IQCH: variants seen among roughly 807,000 people sequenced by gnomAD.
IQCH encodes the protein IQ motif containing H, also known as IQ domain-containing protein H.
IQCH carries 98 observed loss-of-function variants against 117.0 expected under a neutral mutation model. The observed-to-expected ratio is 0.84, with a 90% CI of 0.71 to 0.99. IQCH has a LOEUF of 0.99. Among genes scored for constraint, IQCH ranks in the 50% least tolerant of loss-of-function variants. IQCH has a pLI of 0.00. For synonymous variants in IQCH, 412 were observed against 448.2 expected, an observed-to-expected ratio of 0.92 and a Z score of 1.02; for missense variants, 1,102 against 1,243.8, an observed-to-expected ratio of 0.89 and a Z score of 1.72.
rs1370328750 is a variant in IQCH, at chr15:67,445,177, C to CT, written c.2506-19949dup. On this transcript the variant is annotated intron_variant, in intron 16 of 20. Coordinates refer to ENST00000335894, the MANE Select transcript of IQCH (RefSeq NM_001031715.3). The surrounding 1 kb of genome is among the most constrained non-coding windows in gnomAD (Gnocchi z 4.3). ...GTTGAACATCTGTTACTAGTACAGT[C>CT]TAACACAGCACTTAAAATCCTTTAA... is the stretch of plus-strand genomic sequence containing the variant. Among the ~76,000 whole-genome samples, 1 of 152,072 alleles carries CT rather than the reference C, an allele frequency of 6.6e-6. No homozygotes were observed. Among genetic ancestry groups the CT allele is most frequent in the African/African-American group, 2.4e-5 (1 of 41,384 alleles).
chr15:67,278,793 AT>A (rs1966233372), intron 3 of IQCH, among the ~76,000 whole-genome samples: 1 of 152,204 alleles, frequency 6.6e-6, no homozygotes, highest in Non-Finnish European at 1.5e-5. Flanking sequence ...TATATTGATA[AT>A]CTTAAAGATC....
At chr15:67,350,986 C>T (rs1969634994) in intron 6 of IQCH, among the ~76,000 whole-genome samples, 1 of 152,088 alleles carries the variant, frequency 6.6e-6, no homozygotes, top group Admixed American at 6.6e-5. Context: ...CCAGGGCCCT[C>T]CCTGAAATAC....
intron 10 of IQCH, among the ~76,000 whole-genome samples, chr15:67,377,303 A>G (rs1374464854): frequency 6.6e-6 from 1 of 152,070 alleles, no homozygotes; most frequent in Admixed American, 6.5e-5. Flanking sequence ...GATGATAAAG[A>G]AACATTTTTC....
At chr15:67,261,229 ATG>A in intron 1 of IQCH, 41 bp from the exon 2 acceptor site, 1 of 1,355,608 alleles carries the variant, frequency 7.4e-7, no homozygotes, top group Non-Finnish European at 1.0e-6. Flanking sequence ...TAGGTGGACT[ATG>A]TGTGGATTAT....
Position 67,283,524 on chromosome 15 carries a change from G to A in IQCH, c.387+4012G>A, listed in dbSNP as rs183226120. 3.4e-3 allele frequency among the ~76,000 whole-genome samples: 507 copies of A among 149,924 alleles called. 3 individuals are homozygous for A. Among genetic ancestry groups the A allele is most frequent in the Middle Eastern group, 6.9e-3 (2 of 290 alleles). On this transcript the variant is annotated intron_variant, in intron 4 of 20. Coordinates refer to ENST00000335894, the MANE Select transcript of IQCH (RefSeq NM_001031715.3). Reference sequence around the variant, plus strand: ...ATGTAACATGGTGTGATATTTCTGAGTTTTTTTTTTCTATTGACTATCCGT... The same window carrying A: ...ATGTAACATGGTGTGATATTTCTGAATTTTTTTTTTCTATTGACTATCCGT...
chr15:67,297,644 C>T (rs541236136), intron 4 of IQCH, among the ~76,000 whole-genome samples: 9 of 152,242 alleles, frequency 5.9e-5, no homozygotes, highest in Admixed American at 4.6e-4. Context: ...CCAGTCCATG[C>T]GCAATTTTCC....
Position 67,305,634 on chromosome 15 carries a change from A to G in IQCH, c.387+26122A>G, listed in dbSNP as rs541044643. ...TGTTGTTGGTTTTCCTCTTCCATCT[A>G]GAATTAATATTGGCTTAGCTGGAGG... is the stretch of plus-strand genomic sequence containing the variant. On this transcript the variant is annotated intron_variant, in intron 4 of 20. Transcript: ENST00000335894. Among the ~76,000 whole-genome samples the G allele has an allele frequency of 2.5e-4, 38 of 152,224 alleles. 1 individual carries two copies. The highest frequency in any genetic ancestry group is 6.8e-3 in the Middle Eastern group (2 of 294).
rs772747647 is a variant in IQCH at position 67,395,390 on chromosome 15, G to A, written c.1732G>A (p.Gly578Arg). ...AGGAACAGAGGCCTACATCGTCAGC[G>A]GGCTCCTCCACAGAGATGATTTAGC... ...IRGTEAYIVS[G>R]LLHRDDLAVA... Residue 578 changes from glycine to arginine, a missense_variant, in exon 13 of 21, where the codon GGG becomes AGG. Gly to Arg is a moderately radical substitution (Grantham distance 125). This residue lies in a region of IQCH where 650 missense variants were observed against 794.3 expected (regional missense o/e 0.82). Transcript: ENST00000335894. The surrounding 1 kb of genome is among the most constrained non-coding windows in gnomAD (Gnocchi z 4.0). 12 of 1,613,854 alleles carry A rather than the reference G, an allele frequency of 7.4e-6. No homozygotes were observed. The highest frequency in any genetic ancestry group is 4.4e-5 in the South Asian group (4 of 91,052).
chr15:67,384,164 T>C lies in IQCH; in HGVS notation c.1373-772T>C, dbSNP rs1283828830. On this transcript the variant is annotated intron_variant, in intron 10 of 20. Transcript: ENST00000335894. This position sits in a 1 kb window ranked among gnomAD's most constrained non-coding sequence, Gnocchi z 4.3. ...TTACACCTACAGTTGTTGAATTTCA[T>C]ATAAGCAGTTATACCTGCTTGTGAG... 6.6e-6 allele frequency among the ~76,000 whole-genome samples: 1 copy of C among 152,192 alleles called. No homozygotes were observed.
At chr15:67,464,118 C>A (rs1261601006) in intron 16 of IQCH, among the ~76,000 whole-genome samples, 3 of 152,196 alleles carry the variant, frequency 2.0e-5, no homozygotes, top group African/African-American at 7.2e-5. Flanking sequence ...TATAAGCCAC[C>A]GTGCCCAGCC....
chr15:67,447,176 A>G lies in IQCH; in HGVS notation c.2506-17951A>G, dbSNP rs113874707. On this transcript the variant is annotated intron_variant, in intron 16 of 20. Transcript: ENST00000335894. The surrounding 1 kb of genome is among the most constrained non-coding windows in gnomAD (Gnocchi z 5.3). ...CATAAAATGGGAGTATGAATACCAA[A>G]CCCATAAAGTTGTTCGGAGGATGAT... 3.9e-5 allele frequency among the ~76,000 whole-genome samples: 6 copies of G among 152,172 alleles called. No homozygotes were observed. The highest frequency in any genetic ancestry group is 6.5e-5 in the Admixed American group (1 of 15,276).
At chr15:67,304,537 A>T in intron 4 of IQCH, 1 of 615,598 alleles carries the variant, frequency 1.6e-6, no homozygotes, top group South Asian at 2.7e-5. Flanking sequence ...TGTAATGTAG[A>T]TGTTAAGTAA....
At chr15:67,278,154 T>A (rs368526049) in intron 3 of IQCH, among the ~76,000 whole-genome samples, 2 of 152,190 alleles carry the variant, frequency 1.3e-5, no homozygotes, top group South Asian at 4.1e-4. Flanking sequence ...CAGATAAGGC[T>A]TTGGTTAGAC....
chr15:67,324,609 TAAA>T (rs35173773), intron 4 of IQCH, among the ~76,000 whole-genome samples: 3 of 119,242 alleles, frequency 2.5e-5, no homozygotes, highest in African/African-American at 6.5e-5. Flanking sequence ...AGACTCTGTC[TAAA>T]AAAAAAAAAA....
chr15:67,345,351 C>T (rs1018168368), intron 6 of IQCH, among the ~76,000 whole-genome samples: 2 of 152,132 alleles, frequency 1.3e-5, no homozygotes, highest in Non-Finnish European at 2.9e-5. Flanking sequence ...TCCACCCCTC[C>T]CTTCTCTTTG....
At chr15:67,258,360 G>A (rs376443551) in intron 1 of IQCH, among the ~76,000 whole-genome samples, 37 of 151,678 alleles carry the variant, frequency 2.4e-4, no homozygotes, top group Non-Finnish European at 4.1e-4. Context: ...GTGAAACCCC[G>A]TCTCTACTAA....
rs1971858935 is a variant in IQCH, at chr15:67,405,474, G to A, written c.2097+5169G>A. ...TACTGGGTACCAGGTATTGTGCTAA[G>A]CACGTTACATGAATTGTCTCATTTA... is the stretch of plus-strand genomic sequence containing the variant. On this transcript the variant is annotated intron_variant, in intron 14 of 20. Transcript: ENST00000335894. The surrounding 1 kb of genome is among the most constrained non-coding windows in gnomAD (Gnocchi z 4.8). The A allele has an allele frequency of 6.6e-6, 1 of 152,198 alleles. No homozygotes were observed. Among genetic ancestry groups the A allele is most frequent in the South Asian group, 2.1e-4 (1 of 4,818 alleles). 9.4% of individuals were successfully genotyped at this position (152,198 alleles called of 1,614,324 possible).
chr15:67,310,137 G>A (rs1967513054), intron 4 of IQCH, among the ~76,000 whole-genome samples: 1 of 151,840 alleles, frequency 6.6e-6, no homozygotes, highest in African/African-American at 2.4e-5. Flanking sequence ...GAGAACTCCA[G>A]TGAGTTTCAG....
rs2082945381 is a variant in IQCH at position 67,466,915 on chromosome 15, T to A, written c.2676+1618T>A. On this transcript the variant is annotated intron_variant, in intron 17 of 20. Coordinates refer to ENST00000335894, the MANE Select transcript of IQCH (RefSeq NM_001031715.3). This position sits in a 1 kb window ranked among gnomAD's most constrained non-coding sequence, Gnocchi z 4.4. ...AGCCCTTCTGGCCAGTGAACCTAAGTCTATGCCATTTCTGCAAGAAGCTGG... is the reference window on the plus strand; with the variant it reads ...AGCCCTTCTGGCCAGTGAACCTAAGACTATGCCATTTCTGCAAGAAGCTGG... The A allele has an allele frequency of 6.6e-6, 1 of 152,476 alleles. No individual in the cohort carries two copies. Among genetic ancestry groups the A allele is most frequent in the Non-Finnish European group, 1.5e-5 (1 of 68,348 alleles). The allele number at this position is 152,476 out of a possible 1,614,324, so 9.4% of individuals were successfully genotyped here.
Sources: allele counts gnomAD v4.1 joint callset (sites outside exome capture counted in the v4.1 genomes callset), GRCh38; gene constraint gnomAD v4.1.1; regional missense constraint gnomAD v4.1.1; non-coding constraint Gnocchi (gnomAD v3.1); transcripts MANE v1.5; gene names NCBI Gene and HGNC (gene_info 2026-07-23, HGNC 2026-07-21).